GDPD4: variants seen among roughly 807,000 people sequenced by gnomAD.
The protein encoded by GDPD4 is glycerophosphodiester phosphodiesterase 6.
Under a neutral mutation model 67.8 loss-of-function variants are expected in GDPD4, and 60 were observed. That is an observed-to-expected ratio of 0.88 (90% CI 0.72 to 1.10). The LOEUF is 1.10. GDPD4 is among the 50% of genes least tolerant of loss of function. GDPD4 has a pLI of 0.00. For missense variants in GDPD4, 623 were observed against 613.9 expected (o/e 1.01, Z -0.16); for synonymous variants, 212 against 210.9 (o/e 1.00, Z -0.04).
intron 3 of GDPD4, 22 bp from the exon 4 acceptor site, chr11:77,279,421 T>C: frequency 6.9e-7 from 1 of 1,457,460 alleles, no homozygotes; most frequent in Non-Finnish European, 9.6e-7. Context: ...TGTGTTTCAG[T>C]TCTTAAAATA....
chr11:77,289,584 A>G (rs1256457797), intron 1 of GDPD4, among the ~76,000 whole-genome samples: 2 of 151,550 alleles, frequency 1.3e-5, no homozygotes, highest in Non-Finnish European at 2.9e-5. Flanking sequence ...ATAAAAAATT[A>G]GCCATGCATG....
At chr11:77,220,606 C>T (rs1189950931) in intron 16 of GDPD4, among the ~76,000 whole-genome samples, 4 of 152,160 alleles carry the variant, frequency 2.6e-5, no homozygotes, top group African/African-American at 9.7e-5. Flanking sequence ...ATTCGGTTTG[C>T]CAGTATTTTA....
At chr11:77,242,536 G>C (rs960691681) in intron 13 of GDPD4, among the ~76,000 whole-genome samples, 4 of 152,078 alleles carry the variant, frequency 2.6e-5, no homozygotes, top group Non-Finnish European at 5.9e-5. Context: ...TTTCCAAAGA[G>C]ACCAAAGTAG....
chr11:77,281,598 T>C (rs1274086796), intron 3 of GDPD4, among the ~76,000 whole-genome samples: 2 of 152,310 alleles, frequency 1.3e-5, no homozygotes, highest in East Asian at 3.9e-4. Flanking sequence ...AGTGATAGTG[T>C]AGCATTTGGG....
chr11:77,280,011 A>G (rs1959685083), intron 3 of GDPD4, among the ~76,000 whole-genome samples: 1 of 152,224 alleles, frequency 6.6e-6, no homozygotes, highest in Non-Finnish European at 1.5e-5. Context: ...TTTTTTAAGA[A>G]TTAAACTATA....
chr11:77,281,982 A>G (rs1959774606), intron 3 of GDPD4, among the ~76,000 whole-genome samples: 1 of 152,182 alleles, frequency 6.6e-6, no homozygotes, highest in South Asian at 2.1e-4. Context: ...GAGCAATAAA[A>G]AAAAGTAAAT....
At chr11:77,238,982 A>C (rs1958614087) in intron 13 of GDPD4, among the ~76,000 whole-genome samples, 1 of 152,212 alleles carries the variant, frequency 6.6e-6, no homozygotes, top group African/African-American at 2.4e-5. Flanking sequence ...ACAGCACCAT[A>C]AAAGAATCAT....
chr11:77,225,015 G>A (rs1261837516), intron 16 of GDPD4, among the ~76,000 whole-genome samples: 4 of 151,692 alleles, frequency 2.6e-5, no homozygotes, highest in African/African-American at 9.7e-5. Context: ...AAGGCAGGAG[G>A]ATTGTTTGAG....
chr11:77,299,807 A>G (rs1474628584), intron 1 of GDPD4, among the ~76,000 whole-genome samples: 3 of 152,212 alleles, frequency 2.0e-5, no homozygotes, highest in Non-Finnish European at 2.9e-5. Context: ...TGGTCACAGT[A>G]AAGTTACACA....
rs145756073 is a variant in GDPD4, at chr11:77,266,349, C to T, written c.707+2108G>A. On this transcript the variant is annotated intron_variant, in intron 10 of 16. Coordinates refer to ENST00000315938, the MANE Select transcript of GDPD4 (RefSeq NM_182833.3). ...TAATATTGTAGCACAATACATTACTCGTATGTTTATGGTGACACTTCTGTA... is the reference window on the plus strand; with the variant it reads ...TAATATTGTAGCACAATACATTACTTGTATGTTTATGGTGACACTTCTGTA... Among the ~76,000 whole-genome samples, 28 of 152,236 alleles carry T rather than the reference C, an allele frequency of 1.8e-4. No individual in the cohort carries two copies. In the East Asian group the frequency reaches 4.6e-3, roughly 25 times the overall value.
chr11:77,256,887 T>C (rs1439780275), intron 11 of GDPD4, among the ~76,000 whole-genome samples: 1 of 152,202 alleles, frequency 6.6e-6, no homozygotes, highest in Admixed American at 6.5e-5. Flanking sequence ...ATGAGTCAAA[T>C]AAACCTCTTT....
At chr11:77,244,250 G>T (rs7121984) in intron 12 of GDPD4, among the ~76,000 whole-genome samples, 40,361 of 152,046 alleles carry the variant, frequency 0.27, 6,350 homozygotes, top group South Asian at 0.44. Flanking sequence ...AGCCAGGATG[G>T]TCTCGATCTC....
At position 77,236,728 on chromosome 11, in the gene GDPD4, AAAC is replaced by A. The variant is rs1958575463; in HGVS notation, c.1242-3559_1242-3557del. ...AAAAGAGTTTCAAAATACAAGAAGG[AAAC>A]ACACACACACACACACACACAAATC... On this transcript the variant is annotated intron_variant, in intron 13 of 16. Transcript: ENST00000315938. 1.2e-4 allele frequency among the ~76,000 whole-genome samples: 11 copies of A among 92,688 alleles called. No homozygotes were observed. In the South Asian group the frequency reaches 2.9e-3, roughly 25 times the overall value. 60.8% of individuals were successfully genotyped at this position (92,688 alleles called of 152,430 possible). A position where few individuals can be genotyped will look rare whatever the true frequency, so the allele number is the denominator to read the frequency against.
chr11:77,222,405 AG>A (rs1416086107), intron 16 of GDPD4, among the ~76,000 whole-genome samples: 3 of 152,152 alleles, frequency 2.0e-5, no homozygotes, highest in Admixed American at 1.3e-4. Context: ...GAGCTCTTTT[AG>A]GGCAGGCCTG....
chr11:77,264,107 T>TA (rs1412925842), intron 10 of GDPD4, among the ~76,000 whole-genome samples: 5 of 152,160 alleles, frequency 3.3e-5, no homozygotes, highest in Non-Finnish European at 4.4e-5. Flanking sequence ...GCTTTTATGC[T>TA]AAAAATTTTA....
At chr11:77,226,426 G>A (rs1001170731) in intron 16 of GDPD4, among the ~76,000 whole-genome samples, 2 of 151,766 alleles carry the variant, frequency 1.3e-5, no homozygotes, top group African/African-American at 4.8e-5. Context: ...AGAGAGACCC[G>A]AGATCCCACT....
intron 1 of GDPD4, among the ~76,000 whole-genome samples, chr11:77,294,595 T>C (rs925934353): frequency 1.3e-5 from 2 of 152,184 alleles, no homozygotes; most frequent in African/African-American, 4.8e-5. Flanking sequence ...AGGTTCAACA[T>C]GATTCCAATC....
intron 3 of GDPD4, among the ~76,000 whole-genome samples, chr11:77,283,265 A>G (rs1959839321): frequency 6.6e-6 from 1 of 152,228 alleles, no homozygotes; most frequent in Admixed American, 6.5e-5. Flanking sequence ...GCAATTCCAA[A>G]AAGTAGCTAG....
intron 11 of GDPD4, among the ~76,000 whole-genome samples, chr11:77,250,058 T>C (rs142449655): frequency 6.6e-6 from 1 of 152,350 alleles, no homozygotes; most frequent in African/African-American, 2.4e-5. Flanking sequence ...ATCTGATTTT[T>C]ACATTTTCTC....
Sources: allele counts gnomAD v4.1 joint callset (sites outside exome capture counted in the v4.1 genomes callset), GRCh38; gene constraint gnomAD v4.1.1; transcripts MANE v1.5; gene names NCBI Gene and HGNC (gene_info 2026-07-23, HGNC 2026-07-21).